PCDHGA3: variants seen among roughly 807,000 people sequenced by gnomAD.
PCDHGA3 encodes protocadherin gamma-A3.
A neutral mutation model predicts 58.5 loss-of-function variants in PCDHGA3; 40 were observed. That is an observed-to-expected ratio of 0.68 (90% confidence interval 0.53 to 0.89). PCDHGA3 has a LOEUF of 0.89. PCDHGA3 is among the 40% of genes least tolerant of loss of function. The probability of loss-of-function intolerance (pLI) is 0.00; values close to 1 mark genes in which losing one functional copy is unlikely to be tolerated. For missense variants in PCDHGA3, 1,223 were observed against 1,195.9 expected (o/e 1.02, Z -0.33); for synonymous variants, 530 against 525.7 (o/e 1.01, Z -0.11).
At position 141,374,269 on chromosome 5, in the gene PCDHGA3, C is replaced by T. The variant is rs372510702; in HGVS notation, c.2424+27812C>T. The stretch of plus-strand genomic sequence containing the variant: ...TGGAGCCCCAGGAGTTGGCGGAGCA[C>T]GGAGTCCGCATCGTCTCCAGAGGTA... On this transcript the variant is annotated intron_variant, in intron 1 of 3. Transcript: ENST00000253812. 9.5e-5 allele frequency: 154 copies of T among 1,614,002 alleles called. No homozygotes were observed. In the African/African-American group the frequency reaches 1.8e-3, roughly 19 times the overall value.
At chr5:141,480,298 C>G (rs1238380283) in intron 1 of PCDHGA3, among the ~76,000 whole-genome samples, 1 of 132,676 alleles carries the variant, frequency 7.5e-6, no homozygotes, top group Non-Finnish European at 1.6e-5. Flanking sequence ...ACCTGTGGTA[C>G]CAGCTACTTG....
chr5:141,461,124 A>G (rs992107268), intron 1 of PCDHGA3, among the ~76,000 whole-genome samples: 1 of 151,978 alleles, frequency 6.6e-6, no homozygotes, highest in Admixed American at 6.6e-5. Context: ...TTTTTCATAT[A>G]ATTACTTATT....
At chr5:141,383,386 G>A in intron 1 of PCDHGA3, 1 of 1,614,000 alleles carries the variant, frequency 6.2e-7, no homozygotes. Context: ...TCCAGATGTG[G>A]GCACGAACTC....
chr5:141,414,475 C>T (rs2095752413), intron 1 of PCDHGA3: 1 of 1,613,804 alleles, frequency 6.2e-7, no homozygotes, highest in Non-Finnish European at 8.5e-7. Flanking sequence ...TGGGGGAAGT[C>T]CTCCTCTATC....
At position 141,431,321 on chromosome 5, in the gene PCDHGA3, G is replaced by T. The variant is rs112186927; in HGVS notation, c.2425-63486G>T. 1,258 of 1,614,054 alleles carry T rather than the reference G, an allele frequency of 7.8e-4. 11 individuals are homozygous for T. In the African/African-American group the frequency reaches 0.014, roughly 18 times the overall value. Reference sequence around the variant, plus strand: ...CCTCATCGTGCAAAATGGAGCCGACGGTAGTAAGTACCCCGAATTGGTGCT... The same window carrying T: ...CCTCATCGTGCAAAATGGAGCCGACTGTAGTAAGTACCCCGAATTGGTGCT... On this transcript the variant is annotated intron_variant, in intron 1 of 3. Transcript: ENST00000253812. This position sits in a 1 kb window ranked among gnomAD's most constrained non-coding sequence, Gnocchi z 4.8.
chr5:141,402,593 G>T (rs4151700), intron 1 of PCDHGA3, among the ~76,000 whole-genome samples: 8,085 of 152,244 alleles, frequency 0.053, 229 homozygotes, highest in South Asian at 0.08. Flanking sequence ...AAAATAGATT[G>T]CTTTTGAAAT....
intron 1 of PCDHGA3, chr5:141,389,438 C>A (rs781427097): frequency 6.2e-7 from 1 of 1,610,474 alleles, no homozygotes; most frequent in Non-Finnish European, 8.5e-7. Context: ...AGCGCGCCTT[C>A]GACCACGAGC....
At chr5:141,382,663 G>T (rs1236015442) in intron 1 of PCDHGA3, 1 of 419,258 alleles carries the variant, frequency 2.4e-6, no homozygotes, top group African/African-American at 2.0e-5. Context: ...GACTCACAGC[G>T]CCGCTGTTCA....
In PCDHGA3 at chr5:141,413,207, C is replaced by G. The variant is rs563279284; in HGVS notation, c.2424+66750C>G. The G allele has an allele frequency of 2.1e-4, 334 of 1,612,874 alleles. 3 individuals carry two copies. In the South Asian group the frequency reaches 3.4e-3, roughly 17 times the overall value. On this transcript the variant is annotated intron_variant, in intron 1 of 3. Coordinates refer to ENST00000253812, the MANE Select transcript of PCDHGA3 (RefSeq NM_018916.4). ...GCTCAAAGGAATCGCTCAAAGGAAT[C>G]AAAGGATTGCAGCGGGCTGGTCCTG... is the stretch of plus-strand genomic sequence containing the variant.
chr5:141,480,239 A>C (rs1320132415), intron 1 of PCDHGA3, among the ~76,000 whole-genome samples: 4 of 136,218 alleles, frequency 2.9e-5, no homozygotes, highest in African/African-American at 1.1e-4. Context: ...TCCTGTCTCT[A>C]CAAAAAAAAA....
At chr5:141,351,890 C>T (rs1236612073) in intron 1 of PCDHGA3, 7 of 1,613,300 alleles carry the variant, frequency 4.3e-6, no homozygotes, top group Admixed American at 3.3e-5. Context: ...CAACGTGAGC[C>T]TGCGCGTGTT....
Position 141,477,707 on chromosome 5 carries a change from C to T in PCDHGA3, c.2425-17100C>T. ...AGTGCCCCTAGACTATGAGGATCGG[C>T]GGGAATTTGAATTAACAGCTCATAT... On this transcript the variant is annotated intron_variant, in intron 1 of 3. Transcript: ENST00000253812. The surrounding 1 kb of genome is among the most constrained non-coding windows in gnomAD (Gnocchi z 4.9). 6.2e-7 allele frequency: 1 copy of T among 1,613,952 alleles called. No individual in the cohort carries two copies. Among genetic ancestry groups the T allele is most frequent in the South Asian group, 1.1e-5 (1 of 91,086 alleles).
chr5:141,365,825 G>A (rs772088278), intron 1 of PCDHGA3: 1 of 1,613,942 alleles, frequency 6.2e-7, no homozygotes, highest in South Asian at 1.1e-5. Context: ...ATTTCAGGGG[G>A]CGCCCTTGTC....
chr5:141,511,695 C>T lies in PCDHGA3; in HGVS notation c.*522C>T, dbSNP rs1009832192. 1 of 195,662 alleles carries T rather than the reference C, an allele frequency of 5.1e-6. No individual in the cohort carries two copies. Among genetic ancestry groups the T allele is most frequent in the Non-Finnish European group, 1.1e-5 (1 of 92,626 alleles). The allele number at this position is 195,662 out of a possible 1,614,324, so 12.1% of individuals were successfully genotyped here. On this transcript the variant is annotated 3_prime_UTR_variant, in exon 4 of 4. Coordinates refer to ENST00000253812, the MANE Select transcript of PCDHGA3 (RefSeq NM_018916.4). ...CTTCCCCCAAAGCATGGTTTGGTGC[C>T]AGCCCCTTCACCTCCTTCCAGAGCC...
intron 1 of PCDHGA3, chr5:141,362,371 G>A (rs1016730976): frequency 1.4e-5 from 22 of 1,614,012 alleles, no homozygotes; most frequent in Non-Finnish European, 1.8e-5. Flanking sequence ...TTACAGTGAG[G>A]GTACATTGCC....
intron 1 of PCDHGA3, among the ~76,000 whole-genome samples, chr5:141,463,177 A>G (rs914982793): frequency 2.6e-5 from 4 of 152,250 alleles, no homozygotes; most frequent in Admixed American, 2.6e-4. Context: ...ATGTATGCTC[A>G]GATTATTATT....
At chr5:141,421,241 T>C in intron 1 of PCDHGA3, 1 of 1,600,982 alleles carries the variant, frequency 6.2e-7, no homozygotes, top group Non-Finnish European at 8.5e-7. Flanking sequence ...GCGAATCGGC[T>C]ACAGCGCGGG....
At chr5:141,438,631 TATATACACAC>T (rs1330021858) in intron 1 of PCDHGA3, among the ~76,000 whole-genome samples, 2,835 of 42,824 alleles carry the variant, frequency 0.066, 23 homozygotes, top group African/African-American at 0.13. Flanking sequence ...TATATATATA[TATATACACAC>T]ACACACACAC....
chr5:141,392,836 C>G, intron 1 of PCDHGA3: 1 of 1,608,040 alleles, frequency 6.2e-7, no homozygotes, highest in Non-Finnish European at 8.5e-7. Flanking sequence ...CAGAGTCGCC[C>G]CAGACGCGGC....
Sources: allele counts gnomAD v4.1 joint callset (sites outside exome capture counted in the v4.1 genomes callset), GRCh38; gene constraint gnomAD v4.1.1; non-coding constraint Gnocchi (gnomAD v3.1); transcripts MANE v1.5; gene names NCBI Gene and HGNC (gene_info 2026-07-23, HGNC 2026-07-21).